GPHN: variants seen among roughly 807,000 people sequenced by gnomAD.
GPHN encodes the protein gephyrin.
GPHN carries 17 observed loss-of-function variants against 95.5 expected under a neutral mutation model. The observed-to-expected ratio is 0.18, with a 90% confidence interval of 0.12 to 0.27. The LOEUF (loss-of-function observed/expected upper bound fraction) is 0.27, where lower values mean the gene tolerates loss of function less well. GPHN is among the 10% of genes least tolerant of loss of function. GPHN has a pLI of 1.00. For synonymous variants in GPHN, 320 were observed against 322.5 expected (o/e 0.99, Z 0.08); for missense variants, 660 against 978.1 (o/e 0.67, Z 4.34).
intron 2 of GPHN, among the ~76,000 whole-genome samples, chr14:66,723,602 A>G (rs1359897396): frequency 6.6e-6 from 1 of 152,092 alleles, no homozygotes; most frequent in East Asian, 1.9e-4. Context: ...TGTATACATC[A>G]ATTCATTTTT....
intron 8 of GPHN, among the ~76,000 whole-genome samples, chr14:66,957,723 A>T (rs1033043843): frequency 6.6e-6 from 1 of 152,046 alleles, no homozygotes; most frequent in African/African-American, 2.4e-5. Flanking sequence ...CAGGTCTTCT[A>T]TTGAAGGGGT....
chr14:67,613,599 C>G, the GPHN span: 1 of 220,260 alleles, frequency 4.5e-6, no homozygotes, highest in Non-Finnish European at 9.8e-6. Flanking sequence ...CTGAGGCAGC[C>G]CACCTACTGC....
chr14:67,222,071 C>G, the GPHN span: 1 of 410,642 alleles, frequency 2.4e-6, no homozygotes, highest in Non-Finnish European at 4.3e-6. Context: ...GTTTAGTTTC[C>G]CAGTTCCCTG....
At chr14:67,483,299 C>T in the GPHN span, among the ~76,000 whole-genome samples, 1 of 152,172 alleles carries the variant, frequency 6.6e-6, no homozygotes, top group African/African-American at 2.4e-5. Flanking sequence ...GCACGAGTCA[C>T]CACACCTGGC....
In GPHN at chr14:67,023,689, C is replaced by G; in HGVS notation, c.1006+14C>G. 5.6e-6 allele frequency: 9 copies of G among 1,604,238 alleles called. No homozygotes were observed. The highest frequency in any genetic ancestry group is 6.8e-6 in the Non-Finnish European group (8 of 1,171,242). The stretch of plus-strand genomic sequence containing the variant: ...TTCTCAGAGCCAGTAAGTATTTTAC[C>G]ATTTCTGGTGGGCTGCTGAACTAGA... On this transcript the variant is annotated intron_variant, in intron 10 of 22. Transcript: ENST00000478722.
intron 13 of GPHN, among the ~76,000 whole-genome samples, chr14:67,101,920 G>T (rs987023241): frequency 6.6e-6 from 1 of 151,856 alleles, no homozygotes; most frequent in Non-Finnish European, 1.5e-5. Context: ...TGCCCAGGCT[G>T]GAGTGCAGTG....
chr14:67,069,317 T>C (rs898540161), intron 11 of GPHN, among the ~76,000 whole-genome samples: 6 of 152,184 alleles, frequency 3.9e-5, no homozygotes, highest in Admixed American at 2.6e-4. Context: ...AACCCTGAGA[T>C]AAGCACTTGT....
chr14:67,620,153 CGGTAG>C, the GPHN span: 4 of 1,206,114 alleles, frequency 3.3e-6, no homozygotes, highest in African/African-American at 6.3e-5. Flanking sequence ...GAGACAGCGG[CGGTAG>C]GGTGCGGGGG....
the GPHN span, among the ~76,000 whole-genome samples, chr14:67,732,536 C>CAAAAAA: frequency 6.1e-5 from 8 of 130,134 alleles, no homozygotes; most frequent in South Asian, 2.4e-4. Context: ...CCAAACAAAG[C>CAAAAAA]AAAAAAAAAA....
chr14:67,228,638 A>G, the GPHN span: 1 of 152,260 alleles, frequency 6.6e-6, no homozygotes, highest in Non-Finnish European at 1.5e-5. Flanking sequence ...GGATTATGCA[A>G]AACGGTAAGA....
chr14:66,940,260 G>GT (rs1490256998), intron 8 of GPHN, among the ~76,000 whole-genome samples: 19 of 151,424 alleles, frequency 1.3e-4, no homozygotes, highest in South Asian at 2.1e-4. Context: ...TTTTGTTGTT[G>GT]TTTTTTTTCA....
intron 8 of GPHN, 115 bp from the exon 9 acceptor site, chr14:66,965,076 T>G (rs1018533361): frequency 3.6e-6 from 3 of 841,284 alleles, no homozygotes; most frequent in Non-Finnish European, 6.2e-6. Flanking sequence ...TAACAGTAAG[T>G]GACACCAAAT....
chr14:67,473,814 A>G, the GPHN span: 3 of 1,613,868 alleles, frequency 1.9e-6, no homozygotes, highest in Non-Finnish European at 2.5e-6. This position sits in a 1 kb window ranked among gnomAD's most constrained non-coding sequence, Gnocchi z 6.5. Flanking sequence ...CTTCCAGTTC[A>G]AGTTCACCAC....
intron 9 of GPHN, among the ~76,000 whole-genome samples, chr14:67,019,939 A>T (rs562640330): frequency 6.6e-6 from 1 of 152,278 alleles, no homozygotes; most frequent in East Asian, 1.9e-4. Flanking sequence ...TCTTCATAAC[A>T]GCTTGGCACT....
At chr14:67,440,168 T>C in the GPHN span, among the ~76,000 whole-genome samples, 1 of 152,326 alleles carries the variant, frequency 6.6e-6, no homozygotes, top group South Asian at 2.1e-4. Context: ...CATCTGCATT[T>C]TCTTTATTGT....
At chr14:67,253,633 C>G in the GPHN span, among the ~76,000 whole-genome samples, 1 of 151,994 alleles carries the variant, frequency 6.6e-6, no homozygotes, top group African/African-American at 2.4e-5. Flanking sequence ...CTGCTTGAGC[C>G]CAGGAGTTCC....
At chr14:66,699,870 A>G (rs1427512039) in intron 2 of GPHN, among the ~76,000 whole-genome samples, 1 of 152,218 alleles carries the variant, frequency 6.6e-6, no homozygotes, top group Non-Finnish European at 1.5e-5. Context: ...CAAAAACTAA[A>G]TATGAAATTA....
At chr14:66,592,545 G>GA (rs35488511) in intron 1 of GPHN, among the ~76,000 whole-genome samples, 7 of 151,162 alleles carry the variant, frequency 4.6e-5, no homozygotes, top group Non-Finnish European at 2.9e-5. Flanking sequence ...AAAAACATAT[G>GA]AAAAAAGCTC....
At chr14:66,786,245 T>C (rs1046347759) in intron 3 of GPHN, among the ~76,000 whole-genome samples, 9 of 152,064 alleles carry the variant, frequency 5.9e-5, no homozygotes, top group African/African-American at 2.2e-4. Context: ...GATAATTAGG[T>C]AATACTATTA....
Sources: gnomAD v4.1 joint callset for allele counts (sites outside exome capture counted in the v4.1 genomes callset) on GRCh38, gnomAD v4.1.1 for gene constraint, Gnocchi (gnomAD v3.1) non-coding constraint, MANE v1.5 for transcripts, NCBI Gene and HGNC (gene_info 2026-07-23, HGNC 2026-07-21) for gene names.